LIFR: variants seen among roughly 807,000 people sequenced by gnomAD.
LIFR encodes LIF receptor subunit alpha.
Under a neutral mutation model 122.2 loss-of-function variants are expected in LIFR, and 84 were observed. That is an observed-to-expected ratio of 0.69 (90% CI 0.58 to 0.82). The LOEUF (loss-of-function observed/expected upper bound fraction) is 0.82, where lower values mean the gene tolerates loss of function less well. Among genes scored for constraint, LIFR ranks in the 40% least tolerant of loss-of-function variants. LIFR has a pLI of 0.00. For missense variants in LIFR, 1,294 were observed against 1,311.6 expected (o/e 0.99, Z 0.21); for synonymous variants, 422 against 434.7 (o/e 0.97, Z 0.36).
At chr5:38,596,912 GAA>G (rs10607386), upstream of LIFR, among the ~76,000 whole-genome samples, 61,180 of 147,950 alleles carry the variant, frequency 0.41, 12,374 homozygotes, top group Middle Eastern at 0.43. Flanking sequence ...TGGCATGCAA[GAA>G]AAAAAAAAAA....
chr5:38,533,453 C>T (rs1747125705), intron 1 of LIFR, among the ~76,000 whole-genome samples: 1 of 152,190 alleles, frequency 6.6e-6, no homozygotes, highest in South Asian at 2.1e-4. Flanking sequence ...TCAACACGGG[C>T]CCCTGAGCTT....
At chr5:38,606,480 A>T (rs1013550726) in intron 1 of LIFR, among the ~76,000 whole-genome samples, 1 of 152,188 alleles carries the variant, frequency 6.6e-6, no homozygotes, top group Non-Finnish European at 1.5e-5. Flanking sequence ...AGCATTAGGG[A>T]TTATAATTCA....
chr5:38,481,838 A>G lies in LIFR; in HGVS notation c.3051T>C (p.Ala1017=), dbSNP rs1561127400. The G allele has an allele frequency of 6.2e-7, 1 of 1,614,194 alleles. No homozygotes were observed. ...CAGTTTTATCTAAGTCCTCTTCTGC[A>G]GCTATATCTTCCACAGTAGAATTAA... ...LPINSTVEDI[A]AEEDLDKTAG... Residue 1017 remains alanine (A), a synonymous_variant, in exon 20 of 20, where the codon GCT becomes GCC. Transcript: ENST00000453190.
chr5:38,487,209 C>G (rs1744333384), intron 16 of LIFR, among the ~76,000 whole-genome samples: 1 of 152,208 alleles, frequency 6.6e-6, no homozygotes, highest in African/African-American at 2.4e-5. Flanking sequence ...TTCATTTCCT[C>G]ATTAGGATGC....
intron 4 of LIFR, among the ~76,000 whole-genome samples, chr5:38,524,187 C>T (rs1746551323): frequency 1.3e-5 from 2 of 152,190 alleles, no homozygotes; most frequent in Non-Finnish European, 2.9e-5. Flanking sequence ...CTCCTGGTGT[C>T]AAGAGTCTCT....
chr5:38,569,593 C>T (rs1453892582), intron 1 of LIFR, among the ~76,000 whole-genome samples: 1 of 152,120 alleles, frequency 6.6e-6, no homozygotes, highest in Non-Finnish European at 1.5e-5. Context: ...CATCCTGAAA[C>T]CATCATCTCC....
Position 38,510,646 on chromosome 5 carries a change from C to A in LIFR, c.809G>T (p.Cys270Phe). The A allele has an allele frequency of 6.2e-7, 1 of 1,613,860 alleles. No homozygotes were observed. The highest frequency in any genetic ancestry group is 8.5e-7 in the Non-Finnish European group (1 of 1,179,856). Residue 270 changes from cysteine to phenylalanine, a missense_variant, in exon 7 of 20, where the codon TGT becomes TTT. Physicochemically the swap from Cys to Phe is radical, Grantham distance 205. Coordinates refer to ENST00000453190, the MANE Select transcript of LIFR (RefSeq NM_001127671.2). ...VILVGSDITF[C>F]CVSQEKVLSA... ...TAACACTTTTTCTTGACTCACACAACAAAATGTTATGTCTGAGCCTACAAG... is the reference window on the plus strand; with the variant it reads ...TAACACTTTTTCTTGACTCACACAAAAAAATGTTATGTCTGAGCCTACAAG...
chr5:38,503,533 T>C (rs1032712908), intron 10 of LIFR, among the ~76,000 whole-genome samples: 7 of 151,856 alleles, frequency 4.6e-5, no homozygotes, highest in African/African-American at 7.2e-5. Flanking sequence ...AATTACAAGA[T>C]AGTATAATAT....
chr5:38,563,941 C>T (rs1748922796), intron 1 of LIFR, among the ~76,000 whole-genome samples: 1 of 152,180 alleles, frequency 6.6e-6, no homozygotes, highest in Non-Finnish European at 1.5e-5. Flanking sequence ...CGTAGTGCCG[C>T]TGTGAGTGAG....
upstream of LIFR, among the ~76,000 whole-genome samples, chr5:38,599,259 A>C (rs1750179710): frequency 6.6e-6 from 1 of 152,244 alleles, no homozygotes; most frequent in South Asian, 2.1e-4. Flanking sequence ...GCTCTCCAGG[A>C]AACAGTTTGA....
chr5:38,598,275 C>A (rs1750158475), upstream of LIFR, among the ~76,000 whole-genome samples: 1 of 107,188 alleles, frequency 9.3e-6, no homozygotes, highest in Non-Finnish European at 1.7e-5. Flanking sequence ...TAGAGGGAGT[C>A]TCGCTGTGTC....
chr5:38,500,295 C>T (rs1477530240), intron 11 of LIFR, among the ~76,000 whole-genome samples: 1 of 152,176 alleles, frequency 6.6e-6, no homozygotes, highest in Non-Finnish European at 1.5e-5. Context: ...CTAACTAGAA[C>T]AATTCCAGAC....
intron 1 of LIFR, among the ~76,000 whole-genome samples, chr5:38,553,948 T>C (rs567487399): frequency 6.2e-4 from 95 of 152,058 alleles, no homozygotes; most frequent in Middle Eastern, 6.8e-3. Flanking sequence ...AACCCCATCA[T>C]AAACTGTAAA....
intron 11 of LIFR, among the ~76,000 whole-genome samples, chr5:38,502,326 T>C (rs1745224399): frequency 6.6e-6 from 1 of 152,022 alleles, no homozygotes; most frequent in South Asian, 2.1e-4. Flanking sequence ...GGCGCAATCT[T>C]GGCTCACTGC....
chr5:38,528,979 A>AT, intron 2 of LIFR, 139 bp from the exon 3 acceptor site: 7 of 613,068 alleles, frequency 1.1e-5, no homozygotes, highest in East Asian at 2.9e-5. Context: ...CAGAGAGCCC[A>AT]TGTTTTTTTT....
chr5:38,562,533 CA>C, intron 1 of LIFR, among the ~76,000 whole-genome samples: 1 of 152,124 alleles, frequency 6.6e-6, no homozygotes, highest in East Asian at 1.9e-4. Context: ...ATGGATCCCA[CA>C]AAAAAGCAAT....
At chr5:38,507,145 A>G (rs920401746) in intron 7 of LIFR, among the ~76,000 whole-genome samples, 3 of 152,220 alleles carry the variant, frequency 2.0e-5, no homozygotes, top group Non-Finnish European at 2.9e-5. Context: ...GCATCTCAGT[A>G]TATACAAACT....
chr5:38,517,959 AC>A (rs1746191799), intron 5 of LIFR, among the ~76,000 whole-genome samples: 3 of 149,332 alleles, frequency 2.0e-5, no homozygotes, highest in African/African-American at 7.4e-5. Flanking sequence ...AAAAAAACAA[AC>A]AAAAAAAAAC....
At chr5:38,495,753 T>C (rs965119838) in intron 13 of LIFR, among the ~76,000 whole-genome samples, 3 of 152,218 alleles carry the variant, frequency 2.0e-5, no homozygotes, top group South Asian at 2.1e-4. Flanking sequence ...TTAAAGCTCA[T>C]AACTCTCAAA....
Sources: gnomAD v4.1 joint callset for allele counts (sites outside exome capture counted in the v4.1 genomes callset) on GRCh38, gnomAD v4.1.1 for gene constraint, MANE v1.5 for transcripts, NCBI Gene and HGNC (gene_info 2026-07-23, HGNC 2026-07-21) for gene names.